EXOC2: variants seen among roughly 807,000 people sequenced by gnomAD.
EXOC2 encodes SEC5-like 1.
In EXOC2, 70 loss-of-function variants were observed where a neutral mutation model predicts 131.8. That is an observed-to-expected ratio of 0.53 (90% CI 0.44 to 0.65). The LOEUF (loss-of-function observed/expected upper bound fraction) is 0.65. Ranked by LOEUF, EXOC2 falls within the 30% of genes least tolerant of loss-of-function variation. The pLI is 0.00. For missense variants in EXOC2, 923 were observed against 1,108.6 expected (o/e 0.83, Z 2.38); for synonymous variants, 411 against 398.4 (o/e 1.03, Z -0.38).
At position 570,220 on chromosome 6, in the gene EXOC2, G is replaced by A. The variant is rs1484019711; in HGVS notation, c.1443+2300C>T. 1.7e-4 allele frequency among the ~76,000 whole-genome samples: 7 copies of A among 40,228 alleles called. 1 individual carries two copies. Among genetic ancestry groups the A allele is most frequent in the Admixed American group, 1.1e-3 (4 of 3,728 alleles). The allele number at this position is 40,228 out of a possible 152,430, so 26.4% of individuals were successfully genotyped here. A position where few individuals can be genotyped will look rare whatever the true frequency, so the allele number is the denominator to read the frequency against. ...GCGATCTCGGCTCACTGCAGGCTCCGCCTCCCGGGTTCACGCCATTCTCCT... is the reference window on the plus strand; with the variant it reads ...GCGATCTCGGCTCACTGCAGGCTCCACCTCCCGGGTTCACGCCATTCTCCT... On this transcript the variant is annotated intron_variant, in intron 13 of 27. Coordinates refer to ENST00000230449, the MANE Select transcript of EXOC2 (RefSeq NM_018303.6).
intron 3 of EXOC2, among the ~76,000 whole-genome samples, chr6:630,852 C>T (rs542419031): frequency 1.3e-5 from 2 of 152,302 alleles, no homozygotes; most frequent in East Asian, 1.9e-4. Flanking sequence ...TTTCAAGGAA[C>T]GCATGGCTTG....
chr6:614,056 T>C (rs1760852621), intron 6 of EXOC2, among the ~76,000 whole-genome samples: 1 of 152,202 alleles, frequency 6.6e-6, no homozygotes, highest in East Asian at 1.9e-4. Flanking sequence ...ATCATGTTAT[T>C]ATGCACCAAA....
rs779175653 is a variant in EXOC2 at position 629,915 on chromosome 6, A to G, written c.342T>C (p.Tyr114=). The change falls in exon 4 of 28, where the codon TAT becomes TAC. Residue 114 remains tyrosine (Y), a synonymous_variant. Transcript: ENST00000230449. ...SAVWVDEMNY[Y]DMRTDRNKGI... ...CTTTGTTCCTGTCAGTGCGCATATC[A>G]TAATAATTCATTTCATCAACCCACA... 11 of 1,614,140 alleles carry G rather than the reference A, an allele frequency of 6.8e-6. No homozygotes were observed. The highest frequency in any genetic ancestry group is 1.7e-5 in the Admixed American group (1 of 60,028).
intron 1 of EXOC2, among the ~76,000 whole-genome samples, chr6:665,921 C>G (rs1763624682): frequency 6.6e-6 from 1 of 151,944 alleles, no homozygotes; most frequent in South Asian, 2.1e-4. Context: ...ACCCCAATAA[C>G]TTACAGAAAA....
chr6:630,593 A>C (rs986803345), intron 3 of EXOC2, among the ~76,000 whole-genome samples: 2 of 152,214 alleles, frequency 1.3e-5, no homozygotes, highest in Admixed American at 6.5e-5. Flanking sequence ...AATGAAAACC[A>C]AATGTTTTTT....
intron 23 of EXOC2, among the ~76,000 whole-genome samples, chr6:508,052 T>C (rs1237277946): frequency 1.3e-5 from 2 of 152,226 alleles, no homozygotes; most frequent in Non-Finnish European, 2.9e-5. Flanking sequence ...ATATATTTTT[T>C]TCCTAAAAAA....
At chr6:579,142 T>A (rs1227853488) in intron 11 of EXOC2, among the ~76,000 whole-genome samples, 2 of 152,186 alleles carry the variant, frequency 1.3e-5, no homozygotes, top group Non-Finnish European at 2.9e-5. Context: ...CACTTCCTAG[T>A]TTCCTGAAAA....
intron 13 of EXOC2, among the ~76,000 whole-genome samples, chr6:570,895 G>A (rs1266002433): frequency 6.6e-6 from 1 of 152,216 alleles, no homozygotes; most frequent in African/African-American, 2.4e-5. Flanking sequence ...CAGACACAGA[G>A]AGGAAGCTGG....
intron 5 of EXOC2, 79 bp downstream of exon 5, chr6:619,351 A>T: frequency 8.3e-7 from 1 of 1,210,696 alleles, no homozygotes; most frequent in Non-Finnish European, 1.2e-6. Context: ...AGCCAGACCT[A>T]AAACTCGAGT....
chr6:621,116 C>T (rs1330186001), intron 4 of EXOC2, among the ~76,000 whole-genome samples: 1 of 152,202 alleles, frequency 6.6e-6, no homozygotes, highest in African/African-American at 2.4e-5. Flanking sequence ...GCACAACTTC[C>T]AATGGCCTGG....
intron 7 of EXOC2, 141 bp from the exon 8 acceptor site, chr6:599,366 C>A (rs1445687229): frequency 3.9e-6 from 3 of 766,834 alleles, no homozygotes; most frequent in Admixed American, 3.5e-5. Flanking sequence ...TTTAGGGGAT[C>A]TTTTATGGTT....
At chr6:510,908 G>A (rs938902699) in intron 23 of EXOC2, among the ~76,000 whole-genome samples, 2 of 152,194 alleles carry the variant, frequency 1.3e-5, no homozygotes, top group African/African-American at 4.8e-5. Context: ...ACATGCAGAT[G>A]AATGCGTTTG....
rs1763047200 is a variant in EXOC2, at chr6:486,380, G to C, written c.*291C>G. ...TTCCAGAAAACTCCCTGCAGAAGCAGCTCTTCCTGCAGCACTCAACCTTCT... is the reference window on the plus strand; with the variant it reads ...TTCCAGAAAACTCCCTGCAGAAGCACCTCTTCCTGCAGCACTCAACCTTCT... On this transcript the variant is annotated 3_prime_UTR_variant, in exon 28 of 28. Transcript: ENST00000230449. 1 of 270,204 alleles carries C rather than the reference G, an allele frequency of 3.7e-6. No homozygotes were observed. Among genetic ancestry groups the C allele is most frequent in the South Asian group, 9.3e-5 (1 of 10,758 alleles). 16.7% of individuals were successfully genotyped at this position (270,204 alleles called of 1,614,324 possible).
intron 1 of EXOC2, among the ~76,000 whole-genome samples, chr6:652,380 T>C (rs1038391602): frequency 1.3e-5 from 2 of 152,176 alleles, no homozygotes; most frequent in Non-Finnish European, 2.9e-5. Context: ...ACAGGTGGAA[T>C]TTAGAAATCA....
chr6:558,170 T>A (rs1260202562), intron 17 of EXOC2, among the ~76,000 whole-genome samples: 1 of 152,186 alleles, frequency 6.6e-6, no homozygotes, highest in Non-Finnish European at 1.5e-5. Flanking sequence ...TCTATATACA[T>A]CTTTTAAAAA....
intron 11 of EXOC2, among the ~76,000 whole-genome samples, chr6:588,108 C>T (rs1581501183): frequency 6.6e-6 from 1 of 152,096 alleles, no homozygotes; most frequent in Non-Finnish European, 1.5e-5. Flanking sequence ...TGGGATTTTC[C>T]AAAATTTAAT....
In EXOC2 at chr6:549,279, A is replaced by G; in HGVS notation, c.2134T>C (p.Leu712=). The change falls in exon 22 of 28, where the codon TTG becomes CTG. Residue 712 remains leucine, a synonymous_variant. Transcript: ENST00000230449. ...TAGCAGCAATTACTTAGGACTATCAAAAGGCGCTGTTCCTAAAAGCAAAAC... is the reference window on the plus strand; with the variant it reads ...TAGCAGCAATTACTTAGGACTATCAGAAGGCGCTGTTCCTAAAAGCAAAAC... ...DFSLTSEQRL[L]IVLSNCCYLE... is the part of the protein sequence containing the mutation. 6.2e-7 allele frequency: 1 copy of G among 1,613,798 alleles called. No individual in the cohort carries two copies. Among genetic ancestry groups the G allele is most frequent in the Non-Finnish European group, 8.5e-7 (1 of 1,179,680 alleles).
chr6:576,716 CA>C (rs1288853201), intron 12 of EXOC2, 40 bp downstream of exon 12: 2 of 1,600,724 alleles, frequency 1.2e-6, no homozygotes, highest in Non-Finnish European at 1.7e-6. Context: ...TACACGAGTA[CA>C]AATTTAAAAG....
At chr6:530,037 G>A (rs1436839318) in intron 23 of EXOC2, among the ~76,000 whole-genome samples, 1 of 152,226 alleles carries the variant, frequency 6.6e-6, no homozygotes, top group Non-Finnish European at 1.5e-5. Context: ...AAACGCAGCT[G>A]CTCAAATTTA....
Sources: allele counts gnomAD v4.1 joint callset (sites outside exome capture counted in the v4.1 genomes callset), GRCh38; gene constraint gnomAD v4.1.1; transcripts MANE v1.5; gene names NCBI Gene and HGNC (gene_info 2026-07-23, HGNC 2026-07-21).